Variants in KLHL29 observed in about 807,000 individuals in gnomAD.
The protein encoded by KLHL29 is kelch like family member 29, also known as kelch-like protein 29.
In KLHL29, 21 loss-of-function variants were observed where a neutral mutation model predicts 80.4. The ratio of observed to expected loss-of-function variants is 0.26; its 90% confidence interval spans 0.19 to 0.38. The LOEUF (loss-of-function observed/expected upper bound fraction) is 0.38. Ranked by LOEUF, KLHL29 falls within the 10% of genes least tolerant of loss-of-function variation. The pLI, the probability that KLHL29 is intolerant of heterozygous loss-of-function variation, is 1.00. For missense variants in KLHL29, 867 were observed against 1,223.9 expected, an observed-to-expected ratio of 0.71 and a Z score of 4.35; for synonymous variants, 511 against 526.8, an observed-to-expected ratio of 0.97 and a Z score of 0.41.
chr2:23,554,419 T>G (rs1414932536), intron 2 of KLHL29, among the ~76,000 whole-genome samples: 1 of 152,194 alleles, frequency 6.6e-6, no homozygotes, highest in Non-Finnish European at 1.5e-5. Flanking sequence ...GGCTTCCCTA[T>G]CTGGAGACAG....
chr2:23,707,622 G>A lies in KLHL29; in HGVS notation c.*958G>A, dbSNP rs992102237. ...GCCCAAGGAAGAAGAGTCTGCTCTA[G>A]AAGGAGCCCGGTTCTGGCTCAGGAC... On this transcript the variant is annotated 3_prime_UTR_variant, in exon 14 of 14. Transcript: ENST00000486442. The A allele has an allele frequency of 6.6e-6, 1 of 152,240 alleles. No homozygotes were observed. The highest frequency in any genetic ancestry group is 1.5e-5 in the Non-Finnish European group (1 of 68,082). The allele number at this position is 152,240 out of a possible 1,614,324, so 9.4% of individuals were successfully genotyped here.
At chr2:23,592,670 G>C (rs1267707147) in intron 3 of KLHL29, among the ~76,000 whole-genome samples, 1 of 152,246 alleles carries the variant, frequency 6.6e-6, no homozygotes. Flanking sequence ...AGACCTGACA[G>C]GGATGTGGCT....
At chr2:23,645,089 C>T (rs960233683) in intron 5 of KLHL29, among the ~76,000 whole-genome samples, 1 of 152,184 alleles carries the variant, frequency 6.6e-6, no homozygotes, top group Non-Finnish European at 1.5e-5. Context: ...ACAAATGCCT[C>T]CAAACTCAAG....
intron 1 of KLHL29, among the ~76,000 whole-genome samples, chr2:23,460,361 C>G (rs1479907223): frequency 1.3e-5 from 2 of 151,990 alleles, no homozygotes; most frequent in African/African-American, 2.4e-5. Flanking sequence ...CTTTCCCCAT[C>G]CTAGGAGACA....
chr2:23,505,376 G>A (rs1665568463), intron 2 of KLHL29, among the ~76,000 whole-genome samples: 1 of 152,198 alleles, frequency 6.6e-6, no homozygotes, highest in Non-Finnish European at 1.5e-5. Context: ...CTGGGGCCCT[G>A]ATGGACACTT....
intron 2 of KLHL29, among the ~76,000 whole-genome samples, chr2:23,498,719 C>T (rs751112476): frequency 1.3e-5 from 2 of 152,210 alleles, no homozygotes; most frequent in South Asian, 2.1e-4. Context: ...GAATGTGGCA[C>T]GTGTGACTGG....
intron 11 of KLHL29, among the ~76,000 whole-genome samples, chr2:23,698,795 C>G (rs1672165650): frequency 6.6e-6 from 1 of 152,178 alleles, no homozygotes; most frequent in African/African-American, 2.4e-5. Flanking sequence ...AAGCAGGAAG[C>G]TGACAGATTG....
chr2:23,617,450 G>C (rs746237486), intron 3 of KLHL29: 1 of 152,240 alleles, frequency 6.6e-6, no homozygotes, highest in Admixed American at 6.5e-5. Flanking sequence ...GGAAAAATGC[G>C]TTCCATGCAG....
chr2:23,513,994 C>T (rs185779306), intron 2 of KLHL29, among the ~76,000 whole-genome samples: 51 of 152,332 alleles, frequency 3.3e-4, no homozygotes, highest in Admixed American at 3.2e-3. Flanking sequence ...AGGAGTAATG[C>T]TGAACCTGCT....
At position 23,695,245 on chromosome 2, in the gene KLHL29, C is replaced by G. The variant is rs78135838; in HGVS notation, c.1543-378C>G. ...TCCTGAGTCCTTGTCACACTCACAGCTCTTTAATAATCGCGTCTTCCTCAT... is the reference window on the plus strand; with the variant it reads ...TCCTGAGTCCTTGTCACACTCACAGGTCTTTAATAATCGCGTCTTCCTCAT... On this transcript the variant is annotated intron_variant, in intron 8 of 13. Coordinates refer to ENST00000486442, the MANE Select transcript of KLHL29 (RefSeq NM_052920.2). This position sits in a 1 kb window ranked among gnomAD's most constrained non-coding sequence, Gnocchi z 7.6. Among the ~76,000 whole-genome samples, 2,968 of 152,272 alleles carry G rather than the reference C, an allele frequency of 0.019. 37 individuals carry two copies. The highest frequency in any genetic ancestry group is 0.031 in the Non-Finnish European group (2,128 of 68,010).
At chr2:23,575,445 TG>T (rs1451412781) in intron 3 of KLHL29, among the ~76,000 whole-genome samples, 2 of 152,008 alleles carry the variant, frequency 1.3e-5, no homozygotes, top group African/African-American at 4.8e-5. Flanking sequence ...GATGTGTCCT[TG>T]GGGTTGCTGC....
chr2:23,688,620 A>C, intron 6 of KLHL29, among the ~76,000 whole-genome samples: 1 of 149,338 alleles, frequency 6.7e-6, no homozygotes, highest in African/African-American at 2.5e-5. Flanking sequence ...GAAGTAGGTG[A>C]CTCCAGGAAG....
intron 1 of KLHL29, among the ~76,000 whole-genome samples, chr2:23,461,976 A>ATT (rs10659814): frequency 0.029 from 4,133 of 141,248 alleles, 95 homozygotes; most frequent in East Asian, 0.074. Context: ...GGTTTTTGCC[A>ATT]TTTTTTTTTT....
intron 2 of KLHL29, among the ~76,000 whole-genome samples, chr2:23,485,902 C>T (rs748933531): frequency 4.6e-5 from 7 of 152,232 alleles, no homozygotes; most frequent in Non-Finnish European, 1.0e-4. Flanking sequence ...GTGCGTAAGA[C>T]ATGTACAAGG....
intron 2 of KLHL29, among the ~76,000 whole-genome samples, chr2:23,490,942 T>G (rs1444059868): frequency 2.0e-5 from 3 of 152,104 alleles, no homozygotes. Flanking sequence ...TCAGATTTTT[T>G]TTTACCTAAT....
At chr2:23,566,635 A>C (rs1667596314) in intron 3 of KLHL29, among the ~76,000 whole-genome samples, 1 of 152,240 alleles carries the variant, frequency 6.6e-6, no homozygotes, top group Non-Finnish European at 1.5e-5. Flanking sequence ...CACTGCTAAG[A>C]GCTTCAAGCT....
intron 5 of KLHL29, among the ~76,000 whole-genome samples, chr2:23,661,038 AAAAAG>A (rs1309622744): frequency 6.6e-6 from 1 of 150,754 alleles, no homozygotes; most frequent in African/African-American, 2.4e-5. Flanking sequence ...TTTCAGAAAA[AAAAAG>A]AGAGAGAGAG....
At chr2:23,585,408 C>T (rs1668093134) in intron 3 of KLHL29, among the ~76,000 whole-genome samples, 1 of 152,184 alleles carries the variant, frequency 6.6e-6, no homozygotes, top group Non-Finnish European at 1.5e-5. Flanking sequence ...ATTATACCTA[C>T]TCCTGGGTCA....
At chr2:23,558,224 G>T (rs190962901) in intron 2 of KLHL29, among the ~76,000 whole-genome samples, 3 of 152,162 alleles carry the variant, frequency 2.0e-5, no homozygotes, top group Admixed American at 1.3e-4. Flanking sequence ...GCCACATTAG[G>T]ATCCAACCCT....
Sources: allele counts gnomAD v4.1 joint callset (sites outside exome capture counted in the v4.1 genomes callset), GRCh38; gene constraint gnomAD v4.1.1; non-coding constraint Gnocchi (gnomAD v3.1); transcripts MANE v1.5; gene names NCBI Gene and HGNC (gene_info 2026-07-23, HGNC 2026-07-21).